The following KCNA6 variants were observed in gnomAD, a reference collection of about 807,000 sequenced individuals.
KCNA6 encodes the protein human brain potassium channel-2.
KCNA6 carries 17 observed loss-of-function variants against 29.5 expected under a neutral mutation model. The ratio of observed to expected loss-of-function variants is 0.58; its 90% CI spans 0.39 to 0.86. The LOEUF is 0.86. KCNA6 is among the 40% of genes least tolerant of loss of function. KCNA6 has a pLI of 0.00. For synonymous variants in KCNA6, 296 were observed against 304.7 expected (o/e 0.97, Z 0.30); for missense variants, 450 against 703.4 (o/e 0.64, Z 4.07).
the KCNA6 span, among the ~76,000 whole-genome samples, chr12:4,846,779 TTTTTTTTTTTTTA>T: frequency 1.4e-5 from 1 of 71,482 alleles, no homozygotes; most frequent in East Asian, 2.2e-4. Flanking sequence ...TTTTTTTTTT[TTTTTTTTTTTTTA>T]ATTTGAGACG....
chr12:4,835,324 CG>C, the KCNA6 span, among the ~76,000 whole-genome samples: 1 of 151,944 alleles, frequency 6.6e-6, no homozygotes, highest in African/African-American at 2.4e-5. Flanking sequence ...TTAGTAGAGA[CG>C]GGGTTTCACC....
chr12:4,834,743 G>T, the KCNA6 span, among the ~76,000 whole-genome samples: 1 of 152,186 alleles, frequency 6.6e-6, no homozygotes, highest in Non-Finnish European at 1.5e-5. Flanking sequence ...CCGCAACTGG[G>T]ACTACAGGCC....
chr12:4,812,563 T>C (rs1565403538), exon 1 of KCNA6: 1 of 167,204 alleles, frequency 6.0e-6, no homozygotes, highest in East Asian at 1.9e-4. Context: ...GGCAGAGGAA[T>C]CGTGTTGCAG....
Position 4,809,809 on chromosome 12 carries a change from C to T in KCNA6, c.-233C>T. The T allele has an allele frequency of 2.1e-6, 1 of 469,706 alleles. No homozygotes were observed. Among genetic ancestry groups the T allele is most frequent in the Non-Finnish European group, 3.7e-6 (1 of 272,818 alleles). 29.1% of individuals were successfully genotyped at this position (469,706 alleles called of 1,614,324 possible). On this transcript the variant is annotated 5_prime_UTR_variant, in exon 1 of 1. It adds an upstream start codon to the 5' untranslated region. Coordinates refer to ENST00000280684, the Ensembl canonical transcript of KCNA6. ...AGCTCTAGCACCCGGGCGCGGGTAACGGGAAGCGCAGAACCAAATCCCCAG... is the reference window on the plus strand; with the variant it reads ...AGCTCTAGCACCCGGGCGCGGGTAATGGGAAGCGCAGAACCAAATCCCCAG...
chr12:4,820,875 T>C, the KCNA6 span, among the ~76,000 whole-genome samples: 1 of 152,194 alleles, frequency 6.6e-6, no homozygotes. Context: ...GATTAAGGGA[T>C]TCTTTAACCT....
Position 4,810,106 on chromosome 12 carries a change from A to T in KCNA6, c.65A>T (p.Gln22Leu). ...GAGGTCCGTGGGCCGGAGGGAGAGC[A>T]ACAGGATGCGGGAGACTTCCCGGAG... Residue 22 changes from glutamine to leucine, a missense_variant, in exon 1 of 1, where the codon CAA (glutamine) becomes CTA (leucine). By Grantham distance (113) the Gln-to-Leu change is moderately radical. Around this residue, in one of 7 missense-constraint regions of KCNA6, gnomAD observed 72 missense variants for 64.2 expected, o/e 1.12. Coordinates refer to ENST00000280684, the Ensembl canonical transcript of KCNA6. The surrounding 1 kb of genome is among the most constrained non-coding windows in gnomAD (Gnocchi z 7.5). 6.3e-7 allele frequency: 1 copy of T among 1,579,290 alleles called. No individual in the cohort carries two copies. Among genetic ancestry groups the T allele is most frequent in the Non-Finnish European group, 8.6e-7 (1 of 1,164,948 alleles).
the KCNA6 span, among the ~76,000 whole-genome samples, chr12:4,822,343 C>A: frequency 6.6e-6 from 1 of 152,172 alleles, no homozygotes; most frequent in Non-Finnish European, 1.5e-5. Flanking sequence ...GTGATTTCAT[C>A]TAAGTGGCTC....
the KCNA6 span, chr12:4,839,425 G>A: frequency 3.3e-5 from 5 of 152,166 alleles, no homozygotes; most frequent in African/African-American, 1.2e-4. Context: ...TTACTTTATT[G>A]TAAGAATATA....
chr12:4,820,546 AACACACACACACAC>A, the KCNA6 span, among the ~76,000 whole-genome samples: 121 of 134,762 alleles, frequency 9.0e-4, no homozygotes, highest in Middle Eastern at 3.9e-3. Flanking sequence ...GGATTACCTA[AACACACACACACAC>A]ACACACACAC....
the KCNA6 span, among the ~76,000 whole-genome samples, chr12:4,842,076 G>A: frequency 6.4e-4 from 96 of 148,900 alleles, no homozygotes; most frequent in African/African-American, 2.2e-3. Context: ...CTGATGAGGA[G>A]GAGGAGTGGA....
At chr12:4,835,416 G>C in the KCNA6 span, among the ~76,000 whole-genome samples, 1 of 152,110 alleles carries the variant, frequency 6.6e-6, no homozygotes, top group Non-Finnish European at 1.5e-5. Flanking sequence ...TTACGGGCTT[G>C]AGCCACCACA....
the KCNA6 span, among the ~76,000 whole-genome samples, chr12:4,833,457 T>C: frequency 1.3e-5 from 2 of 152,196 alleles, no homozygotes; most frequent in Admixed American, 1.3e-4. Context: ...TTGGAGTTGG[T>C]GCAGTCACTT....
the KCNA6 span, among the ~76,000 whole-genome samples, chr12:4,832,753 C>T: frequency 2.6e-5 from 4 of 152,252 alleles, no homozygotes; most frequent in East Asian, 1.9e-4. Flanking sequence ...CCTCATGACT[C>T]GAAATCCTAA....
chr12:4,824,701 C>T, the KCNA6 span, among the ~76,000 whole-genome samples: 3 of 152,074 alleles, frequency 2.0e-5, no homozygotes, highest in Non-Finnish European at 2.9e-5. Context: ...CTGCCGTAAG[C>T]GGGAGAATGA....
chr12:4,826,144 T>C, the KCNA6 span, among the ~76,000 whole-genome samples: 4 of 152,244 alleles, frequency 2.6e-5, no homozygotes, highest in African/African-American at 9.6e-5. Flanking sequence ...TTTTTGGTGC[T>C]GACACACCAC....
chr12:4,838,010 G>A, the KCNA6 span, among the ~76,000 whole-genome samples: 1 of 152,104 alleles, frequency 6.6e-6, no homozygotes, highest in Non-Finnish European at 1.5e-5. Flanking sequence ...CTCTGAGAGA[G>A]TAGAAAATAA....
chr12:4,835,426 A>T, the KCNA6 span, among the ~76,000 whole-genome samples: 1 of 151,778 alleles, frequency 6.6e-6, no homozygotes, highest in East Asian at 1.9e-4. Flanking sequence ...GAGCCACCAC[A>T]CCTGGCCAAG....
the KCNA6 span, among the ~76,000 whole-genome samples, chr12:4,844,261 A>G: frequency 6.6e-6 from 1 of 152,170 alleles, no homozygotes; most frequent in Admixed American, 6.5e-5. The surrounding 1 kb of genome is among the most constrained non-coding windows in gnomAD (Gnocchi z 4.0). Flanking sequence ...AGAATAAGCA[A>G]ATGTTTAAAT....
At chr12:4,813,125 A>AT (rs112816763) in exon 1 of KCNA6, 53,361 of 165,410 alleles carry the variant, frequency 0.32, 8,641 homozygotes, top group South Asian at 0.53. Flanking sequence ...TTTGATGATA[A>AT]TTTTTTTTTT....
Sources: allele counts gnomAD v4.1 joint callset (sites outside exome capture counted in the v4.1 genomes callset), GRCh38; gene constraint gnomAD v4.1.1; regional missense constraint gnomAD v4.1.1; non-coding constraint Gnocchi (gnomAD v3.1); transcripts MANE v1.5; gene names NCBI Gene and HGNC (gene_info 2026-07-23, HGNC 2026-07-21).